Variants in CACNA2D3 observed in about 807,000 individuals in gnomAD.
CACNA2D3 encodes voltage-dependent calcium channel subunit alpha-2/delta-3.
A neutral mutation model predicts 160.6 loss-of-function variants in CACNA2D3; 60 were observed. The observed-to-expected ratio is 0.37, with a 90% CI of 0.30 to 0.46. The LOEUF is 0.46. Among genes scored for constraint, CACNA2D3 ranks in the 20% least tolerant of loss-of-function variants. CACNA2D3 has a pLI of 1.00. For synonymous variants in CACNA2D3, 558 were observed against 492.9 expected (o/e 1.13, Z -1.75); for missense variants, 1,205 against 1,365.0 (o/e 0.88, Z 1.85).
chr3:54,814,314 C>G (rs1322290911), intron 13 of CACNA2D3, among the ~76,000 whole-genome samples: 1 of 152,230 alleles, frequency 6.6e-6, no homozygotes, highest in Admixed American at 6.5e-5. Flanking sequence ...TTCCCCAGCC[C>G]TCTCTCTATC....
chr3:54,402,076 G>T lies in CACNA2D3; in HGVS notation c.381+15302G>T, dbSNP rs1215025234. On this transcript the variant is annotated intron_variant, in intron 4 of 37. Transcript: ENST00000474759. ...CAGTGTAAAATATCCTATTATAACT[G>T]TATGATGTTTTGCATAAACCATATG... Among the ~76,000 whole-genome samples, 3 of 152,232 alleles carry T rather than the reference G, an allele frequency of 2.0e-5. No individual in the cohort carries two copies. In the East Asian group the frequency reaches 5.8e-4, roughly 29 times the overall value.
intron 4 of CACNA2D3, among the ~76,000 whole-genome samples, chr3:54,430,255 T>C (rs1364861459): frequency 6.6e-6 from 1 of 152,356 alleles, no homozygotes; most frequent in Middle Eastern, 3.4e-3. Flanking sequence ...CAAATTATTC[T>C]GTGCAGATTT....
chr3:54,325,655 A>G (rs896412179), intron 3 of CACNA2D3, among the ~76,000 whole-genome samples: 7 of 152,214 alleles, frequency 4.6e-5, no homozygotes, highest in African/African-American at 1.7e-4. Context: ...ATTATAGGAT[A>G]GTATCTGTTG....
chr3:55,053,916 C>T (rs1227245018), intron 35 of CACNA2D3, among the ~76,000 whole-genome samples: 1 of 151,874 alleles, frequency 6.6e-6, no homozygotes, highest in Non-Finnish European at 1.5e-5. Flanking sequence ...AATGAAGTTA[C>T]TGATATTATT....
intron 2 of CACNA2D3, among the ~76,000 whole-genome samples, chr3:54,263,134 A>G (rs1702435493): frequency 6.6e-6 from 1 of 152,190 alleles, no homozygotes; most frequent in Non-Finnish European, 1.5e-5. Context: ...CTATGCATCT[A>G]TTATTGTGCA....
intron 13 of CACNA2D3, among the ~76,000 whole-genome samples, chr3:54,785,280 C>T (rs1262151685): frequency 1.3e-5 from 2 of 152,058 alleles, no homozygotes; most frequent in Admixed American, 6.6e-5. Context: ...TTTTTCTCCC[C>T]TCCTATGTTA....
intron 4 of CACNA2D3, among the ~76,000 whole-genome samples, chr3:54,414,579 A>G (rs1166337922): frequency 2.6e-5 from 4 of 151,764 alleles, no homozygotes; most frequent in Non-Finnish European, 4.4e-5. Flanking sequence ...GTGTTTAGAA[A>G]CTCTGGTCTT....
At chr3:54,940,567 A>G (rs958604930) in intron 27 of CACNA2D3, among the ~76,000 whole-genome samples, 1 of 152,152 alleles carries the variant, frequency 6.6e-6, no homozygotes, top group Non-Finnish European at 1.5e-5. Context: ...TTGTCTTTAT[A>G]TAATGCAGCA....
intron 31 of CACNA2D3, among the ~76,000 whole-genome samples, chr3:55,000,407 T>C (rs1702955698): frequency 2.0e-5 from 3 of 151,444 alleles, no homozygotes; most frequent in Admixed American, 6.6e-5. Flanking sequence ...AATAGAGGAG[T>C]GGGGAACAAG....
At chr3:54,564,866 T>C (rs927680485) in intron 6 of CACNA2D3, among the ~76,000 whole-genome samples, 2 of 152,240 alleles carry the variant, frequency 1.3e-5, no homozygotes, top group African/African-American at 2.4e-5. Flanking sequence ...CTGGCTCATG[T>C]AATTTGAAAT....
chr3:54,800,057 C>G (rs1438017768), intron 13 of CACNA2D3, among the ~76,000 whole-genome samples: 1 of 152,160 alleles, frequency 6.6e-6, no homozygotes, highest in Non-Finnish European at 1.5e-5. Context: ...AAACCAGCAG[C>G]TTAGAGCATC....
chr3:54,960,954 T>G (rs1032407480), intron 27 of CACNA2D3, among the ~76,000 whole-genome samples: 2 of 152,232 alleles, frequency 1.3e-5, no homozygotes, highest in Non-Finnish European at 2.9e-5. Flanking sequence ...GTTATTTTCC[T>G]TGATGCTCCA....
At chr3:54,171,743 T>C (rs1438229375) in intron 2 of CACNA2D3, among the ~76,000 whole-genome samples, 1 of 152,202 alleles carries the variant, frequency 6.6e-6, no homozygotes, top group East Asian at 1.9e-4. Context: ...TCTGTGGCTC[T>C]AATGGCATGC....
In CACNA2D3 at chr3:54,460,376, T is replaced by C. The variant is rs544711078; in HGVS notation, c.382-43116T>C. 4.0e-3 allele frequency among the ~76,000 whole-genome samples: 604 copies of C among 152,318 alleles called. 5 individuals are homozygous for C. The highest frequency in any genetic ancestry group is 0.014 in the African/African-American group (576 of 41,566). On this transcript the variant is annotated intron_variant, in intron 4 of 37. Transcript: ENST00000474759. ...TAAGTTACCTTGGGCAGTATGGCCA[T>C]TTTCACGATATTGATTCTTCCTACC...
intron 5 of CACNA2D3, among the ~76,000 whole-genome samples, chr3:54,556,769 A>G (rs1407240193): frequency 1.3e-5 from 2 of 152,186 alleles, no homozygotes; most frequent in Non-Finnish European, 1.5e-5. Flanking sequence ...TTCACAAGTG[A>G]CCATAAGAAA....
chr3:54,944,187 A>T (rs1480784976), intron 27 of CACNA2D3, among the ~76,000 whole-genome samples: 1 of 152,094 alleles, frequency 6.6e-6, no homozygotes, highest in East Asian at 1.9e-4. Context: ...TTATGCCAGG[A>T]TGCTGTGAGT....
chr3:54,862,405 G>GCA (rs1306488649), intron 17 of CACNA2D3, among the ~76,000 whole-genome samples: 1 of 138,664 alleles, frequency 7.2e-6, no homozygotes, highest in Non-Finnish European at 1.6e-5. Context: ...ACACACACAC[G>GCA]CACACACACG....
Position 54,518,084 on chromosome 3 carries a change from C to T in CACNA2D3, c.544+14430C>T, listed in dbSNP as rs183978042. On this transcript the variant is annotated intron_variant, in intron 5 of 37. Coordinates refer to ENST00000474759, the MANE Select transcript of CACNA2D3 (RefSeq NM_018398.3). ...ATGGAATATTTTCAGGGACTGACCA[C>T]ATCTGCAGAGGCTTCTTTACATTAA... Among the ~76,000 whole-genome samples, 9 of 152,328 alleles carry T rather than the reference C, an allele frequency of 5.9e-5. No individual in the cohort carries two copies. The East Asian group carries it at 7.7e-4, about 13-fold the overall frequency.
intron 13 of CACNA2D3, among the ~76,000 whole-genome samples, chr3:54,770,371 A>C (rs1404837116): frequency 6.6e-6 from 1 of 152,208 alleles, no homozygotes; most frequent in Non-Finnish European, 1.5e-5. Context: ...GATTTTTCCA[A>C]AATAAGCGAT....
Sources: allele counts gnomAD v4.1 joint callset (sites outside exome capture counted in the v4.1 genomes callset), GRCh38; gene constraint gnomAD v4.1.1; transcripts MANE v1.5; gene names NCBI Gene and HGNC (gene_info 2026-07-23, HGNC 2026-07-21).